CTNNA3: variants seen among roughly 807,000 people sequenced by gnomAD.
CTNNA3 encodes catenin alpha-3.
Under a neutral mutation model 95.7 loss-of-function variants are expected in CTNNA3, and 76 were observed. That is an observed-to-expected ratio of 0.79 (90% CI 0.66 to 0.96). The LOEUF (loss-of-function observed/expected upper bound fraction) is 0.96, where lower values mean the gene tolerates loss of function less well. Among genes scored for constraint, CTNNA3 ranks in the 40% least tolerant of loss-of-function variants. CTNNA3 has a pLI of 0.00. For synonymous variants in CTNNA3, 431 were observed against 374.4 expected, an observed-to-expected ratio of 1.15 and a Z score of -1.74; for missense variants, 1,191 against 1,089.8, an observed-to-expected ratio of 1.09 and a Z score of -1.31.
Position 67,025,109 on chromosome 10 carries a change from C to A in CTNNA3, c.1047+155208G>T, listed in dbSNP as rs536306505. Among the ~76,000 whole-genome samples, 10 of 114,286 alleles carry A rather than the reference C, an allele frequency of 8.7e-5. No homozygotes were observed. The East Asian group carries it at 2.0e-3, about 23-fold the overall frequency. 75.0% of individuals were successfully genotyped at this position (114,286 alleles called of 152,430 possible). A position where few individuals can be genotyped will look rare whatever the true frequency, so the allele number is the denominator to read the frequency against. On this transcript the variant is annotated intron_variant, in intron 7 of 17. Coordinates refer to ENST00000433211, the MANE Select transcript of CTNNA3 (RefSeq NM_013266.4). ...ATGCCATTGCACACTCCAGCCTGAGCAACAAGAGCAAAACTCTGTCAAAAA... is the reference window on the plus strand; with the variant it reads ...ATGCCATTGCACACTCCAGCCTGAGAAACAAGAGCAAAACTCTGTCAAAAA...
At chr10:65,988,649 A>T (rs781500561) in intron 16 of CTNNA3, 43 bp downstream of exon 16, 14 of 1,460,472 alleles carry the variant, frequency 9.6e-6, no homozygotes, top group Middle Eastern at 1.7e-4. Context: ...GGCAAAGAGC[A>T]ATTAGCATGA....
intron 15 of CTNNA3, among the ~76,000 whole-genome samples, chr10:66,064,867 A>T (rs1003096319): frequency 6.6e-6 from 1 of 152,162 alleles, no homozygotes; most frequent in African/African-American, 2.4e-5. Flanking sequence ...GTTCCTTCTG[A>T]ATTAAAGTAG....
intron 7 of CTNNA3, among the ~76,000 whole-genome samples, chr10:67,008,940 A>G (rs1480126366): frequency 2.6e-5 from 4 of 152,108 alleles, no homozygotes; most frequent in African/African-American, 9.7e-5. Context: ...TTGAATTTAT[A>G]TTTAAAAGAT....
intron 5 of CTNNA3, among the ~76,000 whole-genome samples, chr10:67,393,546 T>C (rs1193096565): frequency 6.6e-6 from 1 of 152,176 alleles, no homozygotes; most frequent in Admixed American, 6.5e-5. Context: ...AAAATTAGAA[T>C]GTACTATCAC....
intron 1 of CTNNA3, among the ~76,000 whole-genome samples, chr10:67,726,426 T>TTATATATTATATAATATATAATATTA (rs1285650369): frequency 3.4e-5 from 1 of 29,518 alleles, no homozygotes; most frequent in Non-Finnish European, 4.5e-5. Context: ...ATATTATATA[T>TTATATATTATATAATATATAATATTA]TATATCATAT....
At chr10:67,419,213 A>C (rs1168769661) in intron 5 of CTNNA3, among the ~76,000 whole-genome samples, 1 of 152,196 alleles carries the variant, frequency 6.6e-6, no homozygotes, top group East Asian at 1.9e-4. Flanking sequence ...CACTTAAAAA[A>C]CAAAAAATGG....
intron 12 of CTNNA3, among the ~76,000 whole-genome samples, chr10:66,369,481 C>A (rs1336322535): frequency 6.6e-6 from 1 of 152,038 alleles, no homozygotes; most frequent in African/African-American, 2.4e-5. Context: ...CATTGATGAT[C>A]TTATGATATC....
chr10:66,444,948 G>A (rs767627967), intron 11 of CTNNA3, among the ~76,000 whole-genome samples: 58 of 152,016 alleles, frequency 3.8e-4, no homozygotes, highest in African/African-American at 9.9e-4. Flanking sequence ...GCAGAGACAC[G>A]CATGGGCTCA....
At chr10:66,346,236 TATATATATATAGAGAGAG>T (rs1355266130) in intron 12 of CTNNA3, among the ~76,000 whole-genome samples, 1,089 of 24,652 alleles carry the variant, frequency 0.044, 8 homozygotes, top group Non-Finnish European at 0.046. Context: ...TATATATATA[TATATATATATAGAGAGAG>T]AGAGAGAGAG....
intron 7 of CTNNA3, among the ~76,000 whole-genome samples, chr10:66,815,635 GGT>G (rs1414180808): frequency 6.6e-6 from 1 of 152,042 alleles, no homozygotes; most frequent in African/African-American, 2.4e-5. Flanking sequence ...TGTTGATTGA[GGT>G]GGTAAATAAG....
chr10:67,410,764 C>G (rs1845335701), intron 5 of CTNNA3, among the ~76,000 whole-genome samples: 1 of 152,044 alleles, frequency 6.6e-6, no homozygotes, highest in African/African-American at 2.4e-5. Flanking sequence ...TTTCTGCTCC[C>G]CTATGTTCAC....
chr10:67,368,414 A>C (rs1339113931), intron 5 of CTNNA3, among the ~76,000 whole-genome samples: 1 of 152,232 alleles, frequency 6.6e-6, no homozygotes, highest in Non-Finnish European at 1.5e-5. Context: ...GATAGTGGGA[A>C]TGTAAAATGG....
chr10:67,437,534 A>C (rs957011774), intron 5 of CTNNA3, among the ~76,000 whole-genome samples: 1 of 152,126 alleles, frequency 6.6e-6, no homozygotes, highest in Non-Finnish European at 1.5e-5. Flanking sequence ...TATAAAAATT[A>C]CACAAAAAAA....
chr10:67,089,721 G>GTT (rs1416595436), intron 7 of CTNNA3, among the ~76,000 whole-genome samples: 2 of 143,026 alleles, frequency 1.4e-5, no homozygotes, highest in African/African-American at 5.7e-5. Flanking sequence ...ATACATATGT[G>GTT]TGTGTGTGTG....
rs1193142808 is a variant in CTNNA3 at position 66,545,679 on chromosome 10, T to C, written c.1375-24906A>G. Among the ~76,000 whole-genome samples, 2 of 152,012 alleles carry C rather than the reference T, an allele frequency of 1.3e-5. 1 individual carries two copies. The highest frequency in any genetic ancestry group is 4.8e-5 in the African/African-American group (2 of 41,444). ...ATATGAGTATTTTTGATATTTCACATCTTCACCACTTGATATTGTCAATCT... is the reference window on the plus strand; with the variant it reads ...ATATGAGTATTTTTGATATTTCACACCTTCACCACTTGATATTGTCAATCT... On this transcript the variant is annotated intron_variant, in intron 10 of 17. Coordinates refer to ENST00000433211, the MANE Select transcript of CTNNA3 (RefSeq NM_013266.4).
At chr10:66,971,422 G>A (rs908058425) in intron 7 of CTNNA3, among the ~76,000 whole-genome samples, 22 of 28,212 alleles carry the variant, frequency 7.8e-4, no homozygotes, top group Non-Finnish European at 2.9e-3. Context: ...GAGAGACTCC[G>A]TCTCAAAAAA....
intron 7 of CTNNA3, among the ~76,000 whole-genome samples, chr10:66,948,384 G>A (rs1318424200): frequency 6.6e-6 from 1 of 152,196 alleles, no homozygotes; most frequent in Non-Finnish European, 1.5e-5. Context: ...GAAATATCTA[G>A]ATCAAGGATA....
chr10:66,665,390 T>C (rs1306817352), intron 9 of CTNNA3, among the ~76,000 whole-genome samples: 2 of 152,196 alleles, frequency 1.3e-5, no homozygotes, highest in Admixed American at 1.3e-4. Context: ...GCAACAACTC[T>C]TTTGGTATTT....
chr10:66,698,160 CAG>C (rs2132560975), intron 9 of CTNNA3, among the ~76,000 whole-genome samples: 1 of 152,314 alleles, frequency 6.6e-6, no homozygotes, highest in African/African-American at 2.4e-5. Flanking sequence ...TTCCCTTAAA[CAG>C]ATGCACATAT....
Sources: allele counts gnomAD v4.1 joint callset (sites outside exome capture counted in the v4.1 genomes callset), GRCh38; gene constraint gnomAD v4.1.1; transcripts MANE v1.5; gene names NCBI Gene and HGNC (gene_info 2026-07-23, HGNC 2026-07-21).